The following CCSER1 variants were observed in gnomAD, a reference collection of about 807,000 sequenced individuals.
The protein encoded by CCSER1 is coiled-coil serine rich protein 1.
In CCSER1, 41 loss-of-function variants were observed where a neutral mutation model predicts 82.0. The ratio of observed to expected loss-of-function variants is 0.50; its 90% CI spans 0.39 to 0.65. The LOEUF (loss-of-function observed/expected upper bound fraction) is 0.65. Among genes scored for constraint, CCSER1 ranks in the 30% least tolerant of loss-of-function variants. The probability of loss-of-function intolerance (pLI) is 0.00; values close to 1 mark genes in which losing one functional copy is unlikely to be tolerated. For synonymous variants in CCSER1, 414 were observed against 383.9 expected (o/e 1.08, Z -0.92); for missense variants, 1,119 against 1,064.2 (o/e 1.05, Z -0.72).
At chr4:91,102,377 T>A (rs1457713142) in intron 10 of CCSER1, among the ~76,000 whole-genome samples, 1 of 152,220 alleles carries the variant, frequency 6.6e-6, no homozygotes, top group Non-Finnish European at 1.5e-5. Context: ...TGTAGCTTCG[T>A]ACAGCAAGGT....
At chr4:91,399,705 C>A (rs893604641) in intron 10 of CCSER1, among the ~76,000 whole-genome samples, 1 of 151,806 alleles carries the variant, frequency 6.6e-6, no homozygotes, top group East Asian at 1.9e-4. Flanking sequence ...TCTTTTGTAG[C>A]CTTAGTTTTA....
At chr4:90,464,673 TTATTTA>T (rs1388029004) in intron 4 of CCSER1, among the ~76,000 whole-genome samples, 1 of 152,214 alleles carries the variant, frequency 6.6e-6, no homozygotes, top group Non-Finnish European at 1.5e-5. Flanking sequence ...CCTCAAACTG[TTATTTA>T]TATCTATGGT....
chr4:90,513,969 A>G (rs1771903732), intron 5 of CCSER1, among the ~76,000 whole-genome samples: 1 of 152,126 alleles, frequency 6.6e-6, no homozygotes. Context: ...CAAGGAGAAT[A>G]GGGGGATCGG....
chr4:90,168,430 G>A (rs1013082112), intron 1 of CCSER1, among the ~76,000 whole-genome samples: 44 of 152,228 alleles, frequency 2.9e-4, no homozygotes, highest in African/African-American at 1.0e-3. Flanking sequence ...TAGGTTGCCT[G>A]TTCACTCTGA....
chr4:91,367,352 A>G (rs1214380248), intron 10 of CCSER1, among the ~76,000 whole-genome samples: 1 of 149,852 alleles, frequency 6.7e-6, no homozygotes, highest in Non-Finnish European at 1.5e-5. Context: ...AAAATATTAA[A>G]TATACATATT....
At chr4:91,093,983 C>T (rs920032727) in intron 10 of CCSER1, among the ~76,000 whole-genome samples, 13 of 152,138 alleles carry the variant, frequency 8.5e-5, no homozygotes, top group Non-Finnish European at 1.3e-4. Flanking sequence ...TCTTTCTGAC[C>T]CCAGGCTGTG....
intron 7 of CCSER1, among the ~76,000 whole-genome samples, chr4:90,810,243 A>G (rs6849395): frequency 0.34 from 51,600 of 151,850 alleles, 8,955 homozygotes; most frequent in East Asian, 0.42. Flanking sequence ...ATTACAAGCG[A>G]GAGCCACCAT....
At chr4:90,486,561 G>A (rs1197434775) in intron 5 of CCSER1, among the ~76,000 whole-genome samples, 1 of 152,192 alleles carries the variant, frequency 6.6e-6, no homozygotes, top group Non-Finnish European at 1.5e-5. Context: ...GATGAATCAT[G>A]TCTGGTCTAA....
chr4:90,400,399 A>G (rs947290924), intron 4 of CCSER1, among the ~76,000 whole-genome samples: 1 of 152,196 alleles, frequency 6.6e-6, no homozygotes, highest in Non-Finnish European at 1.5e-5. Flanking sequence ...GAAATATTCT[A>G]GTTAAATAAT....
intron 1 of CCSER1, among the ~76,000 whole-genome samples, chr4:90,186,895 A>G (rs1437993843): frequency 1.3e-5 from 2 of 151,852 alleles, no homozygotes; most frequent in African/African-American, 4.8e-5. Flanking sequence ...GCACCCTAAT[A>G]AAGTGTACAA....
intron 6 of CCSER1, among the ~76,000 whole-genome samples, chr4:90,672,540 C>A (rs1281234303): frequency 6.6e-6 from 1 of 151,954 alleles, no homozygotes; most frequent in Admixed American, 6.6e-5. Flanking sequence ...TTTTCTGCAC[C>A]AGCAATAAGG....
chr4:90,398,147 C>G (rs1215047059), intron 3 of CCSER1, among the ~76,000 whole-genome samples: 1 of 152,192 alleles, frequency 6.6e-6, no homozygotes, highest in African/African-American at 2.4e-5. Context: ...CATCACATCT[C>G]TGTGTCTTCA....
At chr4:90,973,288 C>G (rs967998589) in intron 9 of CCSER1, among the ~76,000 whole-genome samples, 1 of 151,602 alleles carries the variant, frequency 6.6e-6, no homozygotes, top group African/African-American at 2.4e-5. Context: ...GGGTGAATAT[C>G]TACAATATAT....
chr4:90,328,097 A>G (rs1347218584), intron 3 of CCSER1, among the ~76,000 whole-genome samples: 1 of 152,164 alleles, frequency 6.6e-6, no homozygotes, highest in Non-Finnish European at 1.5e-5. Flanking sequence ...AAAACTTAAG[A>G]TAGAGGGGAA....
At chr4:91,437,854 A>T (rs1754775805) in intron 10 of CCSER1, among the ~76,000 whole-genome samples, 1 of 152,222 alleles carries the variant, frequency 6.6e-6, no homozygotes, top group African/African-American at 2.4e-5. Flanking sequence ...GGAGGGTCCT[A>T]CGCCCACAGA....
At chr4:90,723,589 T>C (rs1173636870) in intron 6 of CCSER1, among the ~76,000 whole-genome samples, 1 of 151,710 alleles carries the variant, frequency 6.6e-6, no homozygotes, top group Non-Finnish European at 1.5e-5. Flanking sequence ...ACAGATACAG[T>C]TTAATTTAAA....
At chr4:91,228,080 C>A (rs759604458) in intron 10 of CCSER1, among the ~76,000 whole-genome samples, 1 of 151,968 alleles carries the variant, frequency 6.6e-6, no homozygotes, top group Non-Finnish European at 1.5e-5. Context: ...TACTCACCTA[C>A]CAAGGGAAAT....
chr4:91,004,969 G>A (rs1738375032), intron 9 of CCSER1, among the ~76,000 whole-genome samples: 1 of 152,128 alleles, frequency 6.6e-6, no homozygotes, highest in African/African-American at 2.4e-5. Context: ...GGGAGAGTGG[G>A]AGCTTAGCAA....
intron 8 of CCSER1, among the ~76,000 whole-genome samples, chr4:90,845,659 C>G (rs565428443): frequency 6.6e-6 from 1 of 152,128 alleles, no homozygotes; most frequent in East Asian, 1.9e-4. Context: ...CAGAAGGCAA[C>G]AAAACCTTGA....
Sources: allele counts gnomAD v4.1 joint callset (sites outside exome capture counted in the v4.1 genomes callset), GRCh38; gene constraint gnomAD v4.1.1; transcripts MANE v1.5; gene names NCBI Gene and HGNC (gene_info 2026-07-23, HGNC 2026-07-21).